The following EBF3 variants were observed in gnomAD, a reference collection of about 807,000 sequenced individuals.
EBF3 encodes transcription factor COE3.
Under a neutral mutation model 77.1 loss-of-function variants are expected in EBF3, and 18 were observed. The observed-to-expected ratio is 0.23, with a 90% CI of 0.16 to 0.35. EBF3 has a LOEUF of 0.35. Among genes scored for constraint, EBF3 ranks in the 10% least tolerant of loss-of-function variants. The pLI, the probability that EBF3 is intolerant of heterozygous loss-of-function variation, is 1.00. For synonymous variants in EBF3, 350 were observed against 343.5 expected (o/e 1.02, Z -0.21); for missense variants, 558 against 860.0 (o/e 0.65, Z 4.39).
At chr10:129,873,625 G>A in intron 7 of EBF3, 29 bp from the exon 8 acceptor site, 1 of 1,489,284 alleles carries the variant, frequency 6.7e-7, no homozygotes, top group South Asian at 1.4e-5. Context: ...TTTGAAAATG[G>A]AATTGGCAAA....
At chr10:129,920,824 T>C (rs1856245361) in intron 6 of EBF3, among the ~76,000 whole-genome samples, 1 of 152,120 alleles carries the variant, frequency 6.6e-6, no homozygotes, top group Non-Finnish European at 1.5e-5. Flanking sequence ...GTGATCACTA[T>C]TGTCTGGGGC....
At chr10:129,905,940 G>A (rs1855113613) in intron 6 of EBF3, among the ~76,000 whole-genome samples, 1 of 152,170 alleles carries the variant, frequency 6.6e-6, no homozygotes, top group African/African-American at 2.4e-5. Flanking sequence ...TTACATACTA[G>A]CCGAGTGTAA....
rs150861053 is a variant in EBF3, at chr10:129,879,044, G to A, written c.555-1195C>T. On this transcript the variant is annotated intron_variant, in intron 6 of 16. Coordinates refer to ENST00000440978, the MANE Select transcript of EBF3 (RefSeq NM_001375380.1). The surrounding 1 kb of genome is among the most constrained non-coding windows in gnomAD (Gnocchi z 4.7). ...GAAGATTCAGGGGTCCTGACAGTGT[G>A]TTGAGATGCTGTGACTAAAACGTCA... 3.6e-3 allele frequency among the ~76,000 whole-genome samples: 550 copies of A among 152,228 alleles called. 3 individuals carry two copies. The highest frequency in any genetic ancestry group is 0.02 in the Middle Eastern group (6 of 294).
At chr10:129,882,419 G>A (rs1439493856) in intron 6 of EBF3, among the ~76,000 whole-genome samples, 2 of 152,220 alleles carry the variant, frequency 1.3e-5, no homozygotes, top group African/African-American at 2.4e-5. Context: ...GGAGTCCGTG[G>A]CATTAGATGC....
chr10:129,916,260 C>T (rs1368812712), intron 6 of EBF3, among the ~76,000 whole-genome samples: 1 of 152,206 alleles, frequency 6.6e-6, no homozygotes, highest in Non-Finnish European at 1.5e-5. Flanking sequence ...CCCAGGTGCA[C>T]CACATGCCCA....
chr10:129,899,131 G>A (rs913230237), intron 6 of EBF3, among the ~76,000 whole-genome samples: 3 of 152,222 alleles, frequency 2.0e-5, no homozygotes, highest in African/African-American at 4.8e-5. Context: ...AGAAATCCGC[G>A]CTGCCTTCTC....
chr10:129,933,185 G>A (rs1213538069), intron 6 of EBF3, among the ~76,000 whole-genome samples: 1 of 152,110 alleles, frequency 6.6e-6, no homozygotes, highest in Non-Finnish European at 1.5e-5. Context: ...CAGCCACTTC[G>A]GAGCACACAC....
chr10:129,918,956 C>A (rs1856081655), intron 6 of EBF3, among the ~76,000 whole-genome samples: 1 of 152,182 alleles, frequency 6.6e-6, no homozygotes, highest in Non-Finnish European at 1.5e-5. Context: ...CTGGAGGAGG[C>A]TAGAGAGGAC....
intron 4 of EBF3, 97 bp from the exon 5 acceptor site, chr10:129,959,104 A>C: frequency 2.0e-6 from 3 of 1,467,790 alleles, no homozygotes; most frequent in Non-Finnish European, 1.9e-6. Context: ...CAGCAGGTGC[A>C]CCACGCTCGA....
intron 6 of EBF3, among the ~76,000 whole-genome samples, chr10:129,899,396 T>C (rs1189131790): frequency 6.6e-6 from 1 of 152,154 alleles, no homozygotes; most frequent in African/African-American, 2.4e-5. Flanking sequence ...GTTGTTCTCC[T>C]CCAGGCCCCG....
At position 129,848,443 on chromosome 10, in the gene EBF3, C is replaced by T. The variant is rs1246947083; in HGVS notation, c.1077G>A (p.Arg359=). 20 of 1,614,236 alleles carry T rather than the reference C, an allele frequency of 1.2e-5. No individual in the cohort carries two copies. Among genetic ancestry groups the T allele is most frequent in the Non-Finnish European group, 1.7e-5 (20 of 1,180,052 alleles). The part of the protein sequence containing the change: ...NEPTIDYGFQ[R]LQKVIPRHPG... The stretch of plus-strand genomic sequence containing the variant: ...GATGTCTTGGGATCACTTTCTGCAA[C>T]CTCTGAAAGCCGTAATCTATGGTTG... The change falls in exon 11 of 17, where the codon AGG becomes AGA. Residue 359 remains arginine, a synonymous_variant. Transcript: ENST00000440978. The surrounding 1 kb of genome is among the most constrained non-coding windows in gnomAD (Gnocchi z 4.4).
chr10:129,840,433 G>C lies in EBF3; in HGVS notation c.1571C>G (p.Ser524Cys). 6.4e-7 allele frequency: 1 copy of C among 1,551,210 alleles called. No individual in the cohort carries two copies. The highest frequency in any genetic ancestry group is 8.7e-7 in the Non-Finnish European group (1 of 1,146,914). ...SANSPYGIVP[S>C]SPTMAASSVT... ...CGAAGAGGCTGCCATGGTGGGGCTGGACGGCACTACTGCAACAAAGCAAAC... is the reference window on the plus strand; with the variant it reads ...CGAAGAGGCTGCCATGGTGGGGCTGCACGGCACTACTGCAACAAAGCAAAC... Residue 524 changes from serine (S) to cysteine (C), a missense_variant, in exon 15 of 17, where the codon TCC (serine) becomes TGC (cysteine). By Grantham distance (112) the Ser-to-Cys change is moderately radical. Transcript: ENST00000440978.
chr10:129,896,593 G>A (rs546047103), intron 6 of EBF3, among the ~76,000 whole-genome samples: 4 of 152,196 alleles, frequency 2.6e-5, no homozygotes, highest in Non-Finnish European at 5.9e-5. Context: ...TTTGCAGGAC[G>A]TGCTGGGGCG....
chr10:129,841,043 C>T lies in EBF3; in HGVS notation c.1373-11G>A. ...TGCGACTGTAGCCGACTGTTGAAATCCCCCCCCCGGCCAAAAATAACATTA... is the reference window on the plus strand; with the variant it reads ...TGCGACTGTAGCCGACTGTTGAAATTCCCCCCCCGGCCAAAAATAACATTA... On this transcript the variant is annotated splice_polypyrimidine_tract_variant and intron_variant, in intron 13 of 16. Coordinates refer to ENST00000440978, the MANE Select transcript of EBF3 (RefSeq NM_001375380.1). The surrounding 1 kb of genome is among the most constrained non-coding windows in gnomAD (Gnocchi z 4.6). 2 of 1,350,210 alleles carry T rather than the reference C, an allele frequency of 1.5e-6. No homozygotes were observed. Among genetic ancestry groups the T allele is most frequent in the Non-Finnish European group, 2.0e-6 (2 of 1,013,820 alleles). 83.6% of individuals were successfully genotyped at this position (1,350,210 alleles called of 1,614,324 possible).
At position 129,842,069 on chromosome 10, in the gene EBF3, C is replaced by A. The variant is rs552971767; in HGVS notation, c.1372+47G>T. On this transcript the variant is annotated intron_variant, in intron 13 of 16. Transcript: ENST00000440978. The surrounding 1 kb of genome is among the most constrained non-coding windows in gnomAD (Gnocchi z 4.4). ...CTCTTCAGCTAAGGCCTCAACCAAC[C>A]CTCGGAGGGCGTTCAGGGCAGGGGT... 2.0e-5 allele frequency: 33 copies of A among 1,612,536 alleles called. No homozygotes were observed. In the African/African-American group the frequency reaches 2.9e-4, roughly 14 times the overall value.
intron 6 of EBF3, among the ~76,000 whole-genome samples, chr10:129,899,450 C>T (rs931070128): frequency 5.9e-5 from 9 of 152,222 alleles, no homozygotes; most frequent in African/African-American, 9.6e-5. Flanking sequence ...CAGAGGCCGG[C>T]GCCCTGGACC....
At chr10:129,871,200 G>A (rs1024604230) in intron 8 of EBF3, among the ~76,000 whole-genome samples, 38 of 152,296 alleles carry the variant, frequency 2.5e-4, no homozygotes, top group African/African-American at 7.9e-4. Flanking sequence ...CAGGGCTCGC[G>A]GAAGGTTTAA....
At chr10:129,909,774 C>T (rs1052005599) in intron 6 of EBF3, among the ~76,000 whole-genome samples, 49 of 152,260 alleles carry the variant, frequency 3.2e-4, no homozygotes, top group African/African-American at 1.1e-3. Context: ...GCCCTGGGGT[C>T]CCCCCAGAAC....
At chr10:129,934,279 G>T (rs939592281) in intron 6 of EBF3, among the ~76,000 whole-genome samples, 6 of 151,712 alleles carry the variant, frequency 4.0e-5, no homozygotes, top group Non-Finnish European at 5.9e-5. Context: ...GCGACATCAC[G>T]CTCCCCAGAC....
Sources: gnomAD v4.1 joint callset for allele counts (sites outside exome capture counted in the v4.1 genomes callset) on GRCh38, gnomAD v4.1.1 for gene constraint, Gnocchi (gnomAD v3.1) non-coding constraint, MANE v1.5 for transcripts, NCBI Gene and HGNC (gene_info 2026-07-23, HGNC 2026-07-21) for gene names.